MCTP1: variants seen among roughly 807,000 people sequenced by gnomAD.
MCTP1 encodes multiple C2 and transmembrane domain containing 1, also known as multiple C2 and transmembrane domain-containing protein 1.
In MCTP1, 69 loss-of-function variants were observed where a neutral mutation model predicts 120.6. The observed-to-expected ratio is 0.57, with a 90% CI of 0.47 to 0.70. The LOEUF is 0.70. MCTP1 is among the 30% of genes least tolerant of loss of function. The pLI, the probability that MCTP1 is intolerant of heterozygous loss-of-function variation, is 0.00. For missense variants in MCTP1, 1,203 were observed against 1,248.8 expected (o/e 0.96, Z 0.55); for synonymous variants, 529 against 493.1 (o/e 1.07, Z -0.96).
intron 1 of MCTP1, among the ~76,000 whole-genome samples, chr5:95,176,091 C>T: frequency 6.6e-6 from 1 of 152,124 alleles, no homozygotes; most frequent in East Asian, 1.9e-4. Context: ...TTCTTGCCTC[C>T]TTGAGAAAAT....
chr5:94,909,858 A>T (rs570882784), intron 9 of MCTP1, among the ~76,000 whole-genome samples: 12 of 152,198 alleles, frequency 7.9e-5, no homozygotes, highest in African/African-American at 2.9e-4. Flanking sequence ...CAGACAATGA[A>T]TTTCTGTGAG....
chr5:94,839,804 A>G (rs1031329193), intron 17 of MCTP1, among the ~76,000 whole-genome samples: 1 of 152,178 alleles, frequency 6.6e-6, no homozygotes, highest in Admixed American at 6.5e-5. Flanking sequence ...TTTCTCTTCC[A>G]TGAAATGCTA....
chr5:95,057,674 A>G (rs1008025670), intron 1 of MCTP1, among the ~76,000 whole-genome samples: 4 of 152,302 alleles, frequency 2.6e-5, no homozygotes, highest in Non-Finnish European at 4.4e-5. Context: ...TCCCTTTATA[A>G]GCTCACCCCC....
At chr5:94,853,796 A>C (rs986487175) in intron 17 of MCTP1, among the ~76,000 whole-genome samples, 2 of 151,900 alleles carry the variant, frequency 1.3e-5, no homozygotes, top group African/African-American at 4.8e-5. Context: ...AGGAAATGAG[A>C]AATACTCTGT....
At chr5:94,770,986 C>G (rs544429058) in intron 19 of MCTP1, among the ~76,000 whole-genome samples, 2 of 152,238 alleles carry the variant, frequency 1.3e-5, no homozygotes, top group African/African-American at 4.8e-5. Flanking sequence ...AAGCCATAGT[C>G]AAATGGATAT....
intron 17 of MCTP1, among the ~76,000 whole-genome samples, chr5:94,824,952 C>A (rs749954843): frequency 1.3e-5 from 2 of 152,070 alleles, no homozygotes; most frequent in Non-Finnish European, 2.9e-5. Context: ...GTCTGGCTAG[C>A]AGACTATCTA....
chr5:94,979,783 A>G (rs1828997153), intron 2 of MCTP1, among the ~76,000 whole-genome samples: 1 of 152,042 alleles, frequency 6.6e-6, no homozygotes, highest in Non-Finnish European at 1.5e-5. Flanking sequence ...CCACCCTCCA[A>G]CACGGACACA....
chr5:94,819,283 C>G (rs1032335547), intron 17 of MCTP1, among the ~76,000 whole-genome samples: 1 of 151,976 alleles, frequency 6.6e-6, no homozygotes, highest in Admixed American at 6.6e-5. Context: ...GCGTGTGCCA[C>G]CACACATGGC....
intron 1 of MCTP1, among the ~76,000 whole-genome samples, chr5:95,126,826 G>T (rs1582308736): frequency 2.0e-5 from 3 of 151,948 alleles, no homozygotes; most frequent in African/African-American, 7.3e-5. Context: ...AACTCAATGT[G>T]CCCAACTCAT....
At chr5:95,236,659 TG>T (rs1755576666) in intron 1 of MCTP1, among the ~76,000 whole-genome samples, 1 of 152,142 alleles carries the variant, frequency 6.6e-6, no homozygotes, top group African/African-American at 2.4e-5. Flanking sequence ...GCCTGTTGGG[TG>T]ATAATGGGAA....
At chr5:95,018,085 C>T (rs556470806) in intron 1 of MCTP1, among the ~76,000 whole-genome samples, 18 of 152,188 alleles carry the variant, frequency 1.2e-4, no homozygotes, top group African/African-American at 4.1e-4. Context: ...AATAAAAGTA[C>T]ATCAGCTATT....
chr5:94,822,014 C>A (rs1462058507), intron 17 of MCTP1, among the ~76,000 whole-genome samples: 6 of 152,160 alleles, frequency 3.9e-5, no homozygotes, highest in African/African-American at 1.4e-4. Context: ...GCAAAAGTAA[C>A]TGCAGTTTTG....
intron 1 of MCTP1, among the ~76,000 whole-genome samples, chr5:95,100,536 G>T (rs1288981612): frequency 1.3e-5 from 2 of 152,128 alleles, no homozygotes; most frequent in African/African-American, 4.8e-5. Flanking sequence ...CAAACCACAA[G>T]AAAATATTTG....
chr5:95,095,854 C>T (rs972013288), intron 1 of MCTP1, among the ~76,000 whole-genome samples: 8 of 151,974 alleles, frequency 5.3e-5, no homozygotes, highest in Admixed American at 4.6e-4. Flanking sequence ...ATACATAGGA[C>T]GAAGGAGTAG....
chr5:95,207,133 A>G (rs1274734710), intron 1 of MCTP1, among the ~76,000 whole-genome samples: 2 of 152,176 alleles, frequency 1.3e-5, no homozygotes, highest in African/African-American at 4.8e-5. Context: ...TAAATCATAA[A>G]TATTGACTAT....
intron 4 of MCTP1, 36 bp from the exon 5 acceptor site, chr5:94,940,231 T>G: frequency 8.2e-7 from 1 of 1,226,666 alleles, no homozygotes; most frequent in Non-Finnish European, 1.2e-6. Flanking sequence ...GAACAGTCAT[T>G]AAATGAATAA....
At chr5:95,103,846 G>A (rs1231653073) in intron 1 of MCTP1, among the ~76,000 whole-genome samples, 1 of 152,124 alleles carries the variant, frequency 6.6e-6, no homozygotes, top group Non-Finnish European at 1.5e-5. Flanking sequence ...GAAGTTCTAT[G>A]AGCACAATGG....
At chr5:94,724,585 C>T (rs1761708600) in intron 19 of MCTP1, among the ~76,000 whole-genome samples, 1 of 151,998 alleles carries the variant, frequency 6.6e-6, no homozygotes, top group Non-Finnish European at 1.5e-5. Flanking sequence ...ATATAGTCAG[C>T]CCTCCACACA....
At chr5:94,822,625 G>T (rs1442429785) in intron 17 of MCTP1, among the ~76,000 whole-genome samples, 1 of 152,116 alleles carries the variant, frequency 6.6e-6, no homozygotes, top group Non-Finnish European at 1.5e-5. Flanking sequence ...GATCCTTGAG[G>T]AATCACCACA....
Sources: gnomAD v4.1 joint callset for allele counts (sites outside exome capture counted in the v4.1 genomes callset) on GRCh38, gnomAD v4.1.1 for gene constraint, MANE v1.5 for transcripts, NCBI Gene and HGNC (gene_info 2026-07-23, HGNC 2026-07-21) for gene names.